The following SNX6 variants were observed in gnomAD, a reference collection of about 807,000 sequenced individuals.
SNX6 encodes sorting nexin 6, also known as sorting nexin-6.
Under a neutral mutation model 63.0 loss-of-function variants are expected in SNX6, and 34 were observed. The ratio of observed to expected loss-of-function variants is 0.54; its 90% CI spans 0.41 to 0.72. SNX6 has a LOEUF of 0.72. Ranked by LOEUF, SNX6 falls within the 30% of genes least tolerant of loss-of-function variation. The pLI is 0.00. For synonymous variants in SNX6, 170 were observed against 164.2 expected, an observed-to-expected ratio of 1.04 and a Z score of -0.27; for missense variants, 398 against 471.4, an observed-to-expected ratio of 0.84 and a Z score of 1.44.
intron 2 of SNX6, among the ~76,000 whole-genome samples, chr14:34,611,408 T>C (rs978512042): frequency 2.1e-5 from 3 of 145,400 alleles, no homozygotes; most frequent in Admixed American, 1.4e-4. Flanking sequence ...GCCCAAGAGG[T>C]GGAGGTTGCA....
chr14:34,629,351 T>G (rs1452222958), intron 2 of SNX6: 1 of 364,824 alleles, frequency 2.7e-6, no homozygotes, highest in East Asian at 7.6e-5. Context: ...TTAGAAAAAG[T>G]AAAGATACCA....
At chr14:34,612,863 A>C (rs1486929179) in intron 2 of SNX6, among the ~76,000 whole-genome samples, 1 of 151,884 alleles carries the variant, frequency 6.6e-6, no homozygotes, top group Admixed American at 6.6e-5. Flanking sequence ...CAGCCTGACC[A>C]ATGTGGAGAA....
intron 2 of SNX6, among the ~76,000 whole-genome samples, chr14:34,612,342 A>G (rs1294886115): frequency 6.6e-6 from 1 of 152,176 alleles, no homozygotes; most frequent in Non-Finnish European, 1.5e-5. Flanking sequence ...CTTATATGTC[A>G]ATAAATGACT....
chr14:34,593,012 A>G (rs561261856), intron 8 of SNX6, 33 bp downstream of exon 8: 1 of 1,345,928 alleles, frequency 7.4e-7, no homozygotes, highest in East Asian at 2.3e-5. Flanking sequence ...ATTCCATTAA[A>G]AGATATAAGC....
intron 2 of SNX6, among the ~76,000 whole-genome samples, chr14:34,610,840 C>G (rs549120314): frequency 1.5e-4 from 23 of 152,244 alleles, no homozygotes; most frequent in African/African-American, 5.5e-4. Flanking sequence ...GTTTCAAAGA[C>G]AGTACTCTAG....
chr14:34,596,921 C>A (rs1030025842), intron 7 of SNX6, among the ~76,000 whole-genome samples: 1 of 152,162 alleles, frequency 6.6e-6, no homozygotes, highest in Non-Finnish European at 1.5e-5. Context: ...ATCCACCCAC[C>A]TTGGCCTCCC....
chr14:34,570,655 T>C (rs928945196), intron 11 of SNX6, among the ~76,000 whole-genome samples: 3 of 150,276 alleles, frequency 2.0e-5, no homozygotes, highest in African/African-American at 7.4e-5. Flanking sequence ...ACTCTCAACC[T>C]CGTGATCCAC....
At chr14:34,629,732 C>T (rs1025169339) in intron 2 of SNX6, 175 bp downstream of exon 2, 22 of 1,079,018 alleles carry the variant, frequency 2.0e-5, no homozygotes, top group Non-Finnish European at 2.7e-5. Context: ...GCCGAGCGGC[C>T]CCTAGGGAGG....
At chr14:34,628,623 T>C (rs1043963720) in intron 2 of SNX6, among the ~76,000 whole-genome samples, 1 of 152,190 alleles carries the variant, frequency 6.6e-6, no homozygotes, top group Non-Finnish European at 1.5e-5. Context: ...AGGGAGATAC[T>C]GTCTCATAAA....
intron 9 of SNX6, among the ~76,000 whole-genome samples, chr14:34,583,272 G>A (rs1339631827): frequency 1.3e-5 from 2 of 152,148 alleles, no homozygotes; most frequent in African/African-American, 4.8e-5. Flanking sequence ...CTGAGCCACT[G>A]CACTCCAGCC....
At chr14:34,619,032 A>AGG (rs1294112688) in intron 2 of SNX6, among the ~76,000 whole-genome samples, 1 of 152,160 alleles carries the variant, frequency 6.6e-6, no homozygotes, top group Non-Finnish European at 1.5e-5. Context: ...AATGTAAAGG[A>AGG]GGGAAGAGGA....
At chr14:34,588,359 T>C (rs930797297) in intron 8 of SNX6, among the ~76,000 whole-genome samples, 10 of 151,812 alleles carry the variant, frequency 6.6e-5, no homozygotes, top group Non-Finnish European at 1.5e-4. Flanking sequence ...CCTGACTTAA[T>C]GTGATCCCCT....
At chr14:34,626,532 C>T (rs1883832281) in intron 2 of SNX6, among the ~76,000 whole-genome samples, 2 of 151,598 alleles carry the variant, frequency 1.3e-5, no homozygotes, top group African/African-American at 2.4e-5. Context: ...GGCACGGTCG[C>T]GCACTCCTGT....
chr14:34,568,137 T>C (rs1260728932), intron 11 of SNX6, 124 bp from the exon 12 acceptor site: 2 of 713,502 alleles, frequency 2.8e-6, no homozygotes, highest in East Asian at 5.8e-5. Context: ...ACATGCCAGT[T>C]ACTCCAATTT....
intron 2 of SNX6, among the ~76,000 whole-genome samples, chr14:34,621,568 T>G (rs1883621029): frequency 6.6e-6 from 1 of 152,192 alleles, no homozygotes; most frequent in Non-Finnish European, 1.5e-5. Context: ...ATCCTCAGCC[T>G]TACAGATCTT....
chr14:34,610,046 A>G (rs1411030733), intron 2 of SNX6, among the ~76,000 whole-genome samples: 1 of 152,116 alleles, frequency 6.6e-6, no homozygotes, highest in African/African-American at 2.4e-5. Context: ...TTTATTTCAA[A>G]AAGAAAACTC....
At chr14:34,565,932 A>G (rs1047786645) in intron 13 of SNX6, among the ~76,000 whole-genome samples, 3 of 145,312 alleles carry the variant, frequency 2.1e-5, no homozygotes, top group Non-Finnish European at 4.6e-5. Context: ...CTCGTGATCC[A>G]CCCGCCTCGG....
chr14:34,627,354 G>A (rs564762095), intron 2 of SNX6, among the ~76,000 whole-genome samples: 5 of 152,312 alleles, frequency 3.3e-5, no homozygotes, highest in African/African-American at 1.2e-4. Flanking sequence ...GGCTGAGGCA[G>A]GACAATGGCG....
chr14:34,615,478 T>C (rs1469708001), intron 2 of SNX6, among the ~76,000 whole-genome samples: 1 of 152,228 alleles, frequency 6.6e-6, no homozygotes, highest in Non-Finnish European at 1.5e-5. Context: ...CACCTCGGCC[T>C]CCCAAAGTGC....
Sources: gnomAD v4.1 joint callset for allele counts (sites outside exome capture counted in the v4.1 genomes callset) on GRCh38, gnomAD v4.1.1 for gene constraint, MANE v1.5 for transcripts, NCBI Gene and HGNC (gene_info 2026-07-23, HGNC 2026-07-21) for gene names.